Variants in METTL6 observed in about 807,000 individuals in gnomAD.
METTL6 encodes the protein methyltransferase 6, tRNA N3-cytidine.
A neutral mutation model predicts 26.4 loss-of-function variants in METTL6; 22 were observed. That is an observed-to-expected ratio of 0.83 (90% CI 0.59 to 1.19). The LOEUF (loss-of-function observed/expected upper bound fraction) is 1.19. Among genes scored for constraint, METTL6 ranks in the 50% most tolerant of loss-of-function variants. The probability of loss-of-function intolerance (pLI) is 0.00; values close to 1 mark genes in which losing one functional copy is unlikely to be tolerated. For missense variants in METTL6, 304 were observed against 324.8 expected, an observed-to-expected ratio of 0.94 and a Z score of 0.49; for synonymous variants, 109 against 116.2, an observed-to-expected ratio of 0.94 and a Z score of 0.40.
At chr3:15,413,970 A>G in intron 5 of METTL6, 51 bp downstream of exon 5, 2 of 1,612,076 alleles carry the variant, frequency 1.2e-6, no homozygotes, top group Non-Finnish European at 1.7e-6. Context: ...GCAATCAAAT[A>G]AACAGAAACA....
chr3:15,422,161 C>CAA (rs77854806), intron 3 of METTL6, among the ~76,000 whole-genome samples: 1 of 151,148 alleles, frequency 6.6e-6, no homozygotes, highest in African/African-American at 2.4e-5. Context: ...CCCGTCTCTA[C>CAA]AAAAAAATAA....
rs777028015 is a variant in METTL6 at position 15,426,391 on chromosome 3, C to G, written c.121G>C (p.Ala41Pro). 9.3e-6 allele frequency: 15 copies of G among 1,614,090 alleles called. No individual in the cohort carries two copies. In the East Asian group the frequency reaches 1.6e-4, roughly 17 times the overall value. Residue 41 changes from alanine to proline, a missense_variant, in exon 2 of 6, where the codon GCT becomes CCT. Coordinates refer to ENST00000383790, the MANE Select transcript of METTL6 (RefSeq NM_152396.4). The part of the protein sequence containing the change: ...DFKQQKLEQE[A>P]QKNWDLFYKR... Reference sequence around the variant, plus strand: ...TAAAAAAGATCCCAATTTTTCTGAGCCTCTTGTTCCAATTTCTGCTGTTTA... The same window carrying G: ...TAAAAAAGATCCCAATTTTTCTGAGGCTCTTGTTCCAATTTCTGCTGTTTA...
intron 6 of METTL6, among the ~76,000 whole-genome samples, chr3:15,386,896 C>T (rs989694326): frequency 7.2e-5 from 11 of 151,952 alleles, no homozygotes; most frequent in Admixed American, 4.6e-4. Context: ...CAGGTTCAAG[C>T]GATTCTCCAG....
In METTL6 at chr3:15,389,002, G is replaced by A. The variant is rs560073804; in HGVS notation, c.*12-4815C>T. The stretch of plus-strand genomic sequence containing the variant: ...AGCCTCCTAAGTAGCTGTGACTATA[G>A]GCATATGCCACCATGCCCAGCTAAT... On this transcript the variant is annotated intron_variant, in intron 6 of 6. Transcript: ENST00000443029. 2.6e-5 allele frequency among the ~76,000 whole-genome samples: 4 copies of A among 152,132 alleles called. No individual in the cohort carries two copies. The South Asian group carries it at 8.3e-4, about 32-fold the overall frequency.
At chr3:15,385,430 T>C (rs1293238845) in intron 6 of METTL6, among the ~76,000 whole-genome samples, 7 of 152,038 alleles carry the variant, frequency 4.6e-5, no homozygotes, top group African/African-American at 1.7e-4. Context: ...AAAACCTGTC[T>C]CTACTAAAAA....
At chr3:15,423,863 G>T (rs2061661979) in intron 3 of METTL6, among the ~76,000 whole-genome samples, 1 of 152,188 alleles carries the variant, frequency 6.6e-6, no homozygotes, top group East Asian at 1.9e-4. Flanking sequence ...TAGCCTGGGT[G>T]AGAGTGAAAC....
chr3:15,406,629 T>TAG (rs1211289541), downstream of METTL6, among the ~76,000 whole-genome samples: 18 of 20,730 alleles, frequency 8.7e-4, 2 homozygotes, highest in Non-Finnish European at 1.3e-3. Flanking sequence ...TATATATATA[T>TAG]AGAGAGAGAG....
At chr3:15,425,790 C>G (rs1575442912) in intron 2 of METTL6, among the ~76,000 whole-genome samples, 1 of 152,192 alleles carries the variant, frequency 6.6e-6, no homozygotes, top group East Asian at 1.9e-4. Flanking sequence ...CTAAAGTTCT[C>G]TCTCCTATAT....
rs142067052 is a variant in METTL6, at chr3:15,418,253, G to C, written c.361-2311C>G. Among the ~76,000 whole-genome samples the C allele has an allele frequency of 8.4e-3, 1,277 of 152,168 alleles. 6 individuals carry two copies. The highest frequency in any genetic ancestry group is 0.028 in the African/African-American group (1,155 of 41,512). ...TGACAGATGCTGGATCCAAAAGCTT[G>C]GGCATTTAAAATAATTATGATTAAA... On this transcript the variant is annotated intron_variant, in intron 3 of 5. Coordinates refer to ENST00000383790, the MANE Select transcript of METTL6 (RefSeq NM_152396.4).
intron 3 of METTL6, among the ~76,000 whole-genome samples, chr3:15,421,430 C>A (rs192092025): frequency 6.6e-6 from 1 of 152,272 alleles, no homozygotes; most frequent in African/African-American, 2.4e-5. Flanking sequence ...CAGTTTCCTA[C>A]AGTAAACATA....
chr3:15,409,492 G>A (rs190326965), downstream of METTL6, among the ~76,000 whole-genome samples: 190 of 152,350 alleles, frequency 1.2e-3, 1 homozygote, highest in Middle Eastern at 0.034. Flanking sequence ...CACTAGCTAC[G>A]TGATTTTGGA....
At position 15,424,965 on chromosome 3, in the gene METTL6, T is replaced by C; in HGVS notation, c.350A>G (p.Glu117Gly). 1 of 1,614,140 alleles carries C rather than the reference T, an allele frequency of 6.2e-7. No homozygotes were observed. Among genetic ancestry groups the C allele is most frequent in the Non-Finnish European group, 8.5e-7 (1 of 1,180,004 alleles). The change falls in exon 3 of 6, where the codon GAA becomes GGA. Residue 117 changes from glutamate (E) to glycine (G), a missense_variant. Physicochemically the swap from Glu to Gly is moderately conservative, Grantham distance 98 (BLOSUM62 -2). Coordinates refer to ENST00000383790, the MANE Select transcript of METTL6 (RefSeq NM_152396.4). ...YACDFSPRAI[E>G]YVKQNPLYDT... ...AGATGGTGCACCAACCTTAACATAT[T>C]CAATGGCTCTTGGAGAAAAATCACA... is the stretch of plus-strand genomic sequence containing the variant.
intron 6 of METTL6, among the ~76,000 whole-genome samples, chr3:15,404,198 C>T (rs1699727487): frequency 6.6e-6 from 1 of 152,124 alleles, no homozygotes; most frequent in Non-Finnish European, 1.5e-5. Flanking sequence ...GCCTCTGACA[C>T]CCACTATCCC....
Position 15,409,975 on chromosome 3 carries a change from G to A in METTL6, c.*1281C>T, listed in dbSNP as rs755964794. Among the ~76,000 whole-genome samples the A allele has an allele frequency of 2.0e-5, 3 of 152,142 alleles. No individual in the cohort carries two copies. The highest frequency in any genetic ancestry group is 4.4e-5 in the Non-Finnish European group (3 of 68,032). Reference sequence around the variant, plus strand: ...TGGTTGTCTGACATGTTGCCTGGGGGAACACTTACAGTCACATGAGTAATG... The same window carrying A: ...TGGTTGTCTGACATGTTGCCTGGGGAAACACTTACAGTCACATGAGTAATG... On this transcript the variant is annotated 3_prime_UTR_variant, in exon 6 of 6. Transcript: ENST00000383790.
chr3:15,388,176 T>C (rs546615847), intron 6 of METTL6, among the ~76,000 whole-genome samples: 1 of 152,224 alleles, frequency 6.6e-6, no homozygotes, highest in South Asian at 2.1e-4. Flanking sequence ...AATGGCGCAA[T>C]CTCCACTCAC....
At position 15,403,342 on chromosome 3, in the gene METTL6, C is replaced by G. The variant is rs145089979; in HGVS notation, c.*11+7903G>C. On this transcript the variant is annotated intron_variant, in intron 6 of 6. Transcript: ENST00000443029. ...TGCCCATTTTGTCAGCAGTTTCTTT[C>G]TTTCAGGAGTTGTCTCATTTTGCCA... Among the ~76,000 whole-genome samples the G allele has an allele frequency of 6.5e-3, 989 of 152,288 alleles. 8 individuals carry two copies. The highest frequency in any genetic ancestry group is 0.023 in the African/African-American group (945 of 41,552).
At chr3:15,408,562 C>CTTTTTTT (rs57787117), downstream of METTL6, among the ~76,000 whole-genome samples, 105 of 116,220 alleles carry the variant, frequency 9.0e-4, 2 homozygotes, top group African/African-American at 3.3e-3. Context: ...GCTCCTTGCT[C>CTTTTTTT]TTTTTTTTTT....
chr3:15,415,420 G>A lies in METTL6; in HGVS notation c.531+352C>T, dbSNP rs1293062046. Reference sequence around the variant, plus strand: ...GATTCACCTGCCTTGGCATCCCAAAGTGTTGGGATTACAGGCATGAAACAC... The same window carrying A: ...GATTCACCTGCCTTGGCATCCCAAAATGTTGGGATTACAGGCATGAAACAC... On this transcript the variant is annotated intron_variant, in intron 4 of 5. Coordinates refer to ENST00000383790, the MANE Select transcript of METTL6 (RefSeq NM_152396.4). 1.2e-4 allele frequency: 169 copies of A among 1,367,016 alleles called. 2 individuals are homozygous for A. The highest frequency in any genetic ancestry group is 5.1e-5 in the Non-Finnish European group (51 of 993,460). The allele number at this position is 1,367,016 out of a possible 1,614,324, so 84.7% of individuals were successfully genotyped here. A position where few individuals can be genotyped will look rare whatever the true frequency, so the allele number is the denominator to read the frequency against.
chr3:15,403,958 T>C (rs1699716105), intron 6 of METTL6, among the ~76,000 whole-genome samples: 1 of 152,228 alleles, frequency 6.6e-6, no homozygotes, highest in Admixed American at 6.5e-5. Flanking sequence ...ACTGTAGCAG[T>C]GAGGATGACA....
Sources: gnomAD v4.1 joint callset for allele counts (sites outside exome capture counted in the v4.1 genomes callset) on GRCh38, gnomAD v4.1.1 for gene constraint, MANE v1.5 for transcripts, NCBI Gene and HGNC (gene_info 2026-07-23, HGNC 2026-07-21) for gene names.